CCNK: variants seen among roughly 807,000 people sequenced by gnomAD.
CCNK encodes cyclin-K.
Under a neutral mutation model 65.0 loss-of-function variants are expected in CCNK, and 9 were observed. The observed-to-expected ratio is 0.14, with a 90% CI of 0.08 to 0.24. The LOEUF (loss-of-function observed/expected upper bound fraction) is 0.24. Ranked by LOEUF, CCNK falls within the 10% of genes least tolerant of loss-of-function variation. The pLI, the probability that CCNK is intolerant of heterozygous loss-of-function variation, is 1.00. For synonymous variants in CCNK, 279 were observed against 270.8 expected, an observed-to-expected ratio of 1.03 and a Z score of -0.30; for missense variants, 474 against 720.0, an observed-to-expected ratio of 0.66 and a Z score of 3.91.
intron 3 of CCNK, chr14:99,494,908 G>A (rs549862305): frequency 2.0e-5 from 3 of 152,338 alleles, no homozygotes; most frequent in Admixed American, 6.5e-5. Flanking sequence ...CAAGCCCCTT[G>A]GGCCTCTTTT....
At chr14:99,493,675 AT>A in intron 3 of CCNK, 80 bp downstream of exon 3, 1 of 926,916 alleles carries the variant, frequency 1.1e-6, no homozygotes, top group East Asian at 2.4e-5. Flanking sequence ...TATAAGCTCT[AT>A]TTTTCTCATA....
Position 99,510,600 on chromosome 14 carries a change from C to A in CCNK, c.1561C>A (p.Pro521Thr). 1.2e-6 allele frequency: 1 copy of A among 864,104 alleles called. No individual in the cohort carries two copies. Among genetic ancestry groups the A allele is most frequent in the Non-Finnish European group, 1.6e-6 (1 of 606,644 alleles). The allele number at this position is 864,104 out of a possible 1,614,324, so 53.5% of individuals were successfully genotyped here. A position where few individuals can be genotyped will look rare whatever the true frequency, so the allele number is the denominator to read the frequency against. Residue 521 changes from proline to threonine, a missense_variant, in exon 11 of 11, where the codon CCC becomes ACC. Pro to Thr is a conservative substitution (Grantham distance 38, BLOSUM62 -1). This residue lies in a region of CCNK where 38 missense variants were observed against 19.2 expected (regional missense o/e 1.98). Transcript: ENST00000389879. ...CTACAACCCCAACTTCCCACCCCCA[C>A]CCCCACGCCTCCCGCCTACCCACGC... ...PTYNPNFPPP[P>T]PRLPPTHAVP...
intron 4 of CCNK, among the ~76,000 whole-genome samples, chr14:99,499,253 G>A (rs1896767825): frequency 6.6e-6 from 1 of 152,178 alleles, no homozygotes; most frequent in Non-Finnish European, 1.5e-5. Context: ...GGCCAGGCTG[G>A]TCTTGAACTC....
intron 1 of CCNK, among the ~76,000 whole-genome samples, chr14:99,487,321 A>G (rs937800179): frequency 1.3e-5 from 2 of 152,200 alleles, no homozygotes; most frequent in South Asian, 4.1e-4. Context: ...CACTATTGAC[A>G]TGTTGGACCA....
Position 99,510,540 on chromosome 14 carries a change from C to A in CCNK, c.1501C>A (p.Pro501Thr). 2.3e-6 allele frequency: 1 copy of A among 435,598 alleles called. No individual in the cohort carries two copies. The highest frequency in any genetic ancestry group is 3.9e-6 in the Non-Finnish European group (1 of 255,898). 27.0% of individuals were successfully genotyped at this position (435,598 alleles called of 1,614,324 possible). Residue 501 changes from proline to threonine, a missense_variant, in exon 11 of 11, where the codon CCC (proline) becomes ACC (threonine). Around this residue, in one of 6 missense-constraint regions of CCNK, gnomAD observed 38 missense variants for 19.2 expected, o/e 1.98. Transcript: ENST00000389879. The stretch of plus-strand genomic sequence containing the variant: ...CTCCTTCCCCCCACCTGCCATCCCA[C>A]CCCCTACTCCTGGCTACCCCCCACC... ...PASFPPPAIPPPTPGYPPPPP... is the reference protein window; with the variant it reads ...PASFPPPAIPTPTPGYPPPPP...
At chr14:99,498,308 T>C (rs777342460) in intron 4 of CCNK, among the ~76,000 whole-genome samples, 8 of 152,150 alleles carry the variant, frequency 5.3e-5, no homozygotes, top group Non-Finnish European at 8.8e-5. Context: ...GGGGTCACCA[T>C]ACCAATTAGG....
Position 99,492,667 on chromosome 14 carries a change from T to C in CCNK, c.-11T>C. ...GAGAACCTTTTGGAAAGAACAAGCC[T>C]ACTTCAATAAATGAAGGAGAATAAA... On this transcript the variant is annotated 5_prime_UTR_variant, in exon 2 of 11. Coordinates refer to ENST00000389879, the MANE Select transcript of CCNK (RefSeq NM_001099402.2). 4 of 1,595,682 alleles carry C rather than the reference T, an allele frequency of 2.5e-6. No homozygotes were observed. The highest frequency in any genetic ancestry group is 3.4e-6 in the Non-Finnish European group (4 of 1,174,400).
At chr14:99,484,218 A>G (rs796607239) in intron 1 of CCNK, among the ~76,000 whole-genome samples, 4 of 152,234 alleles carry the variant, frequency 2.6e-5, no homozygotes, top group South Asian at 2.1e-4. Context: ...GCTGCTTGCT[A>G]GCTGTGAATT....
intron 4 of CCNK, among the ~76,000 whole-genome samples, chr14:99,496,132 C>T (rs1021755845): frequency 6.6e-6 from 1 of 152,194 alleles, no homozygotes; most frequent in Non-Finnish European, 1.5e-5. Flanking sequence ...TTCCATACAG[C>T]TCACGCCAGT....
At position 99,499,182 on chromosome 14, in the gene CCNK, C is replaced by T. The variant is rs139125660; in HGVS notation, c.412-1584C>T. 2.7e-3 allele frequency among the ~76,000 whole-genome samples: 405 copies of T among 152,214 alleles called. 2 individuals carry two copies. Among genetic ancestry groups the T allele is most frequent in the African/African-American group, 9.4e-3 (389 of 41,532 alleles). On this transcript the variant is annotated intron_variant, in intron 4 of 10. Transcript: ENST00000389879. ...AGCTTCCCAAGTAGGGGACTACAGGCGCCTGCCACCATGATTGGCTAATTT... is the reference window on the plus strand; with the variant it reads ...AGCTTCCCAAGTAGGGGACTACAGGTGCCTGCCACCATGATTGGCTAATTT...
intron 3 of CCNK, chr14:99,494,182 T>C (rs1309533995): frequency 6.6e-6 from 1 of 152,266 alleles, no homozygotes; most frequent in African/African-American, 2.4e-5. Context: ...ACATAGGGCA[T>C]AGCCATGCCG....
intron 4 of CCNK, among the ~76,000 whole-genome samples, chr14:99,499,721 A>G (rs1317051963): frequency 6.6e-6 from 1 of 152,232 alleles, no homozygotes; most frequent in East Asian, 1.9e-4. Flanking sequence ...AGGACATTCC[A>G]TTAACGATAG....
intron 9 of CCNK, chr14:99,504,522 C>T (rs1896924492): frequency 6.7e-6 from 1 of 148,596 alleles, no homozygotes; most frequent in Non-Finnish European, 1.5e-5. Context: ...GCAATCTTAA[C>T]TCACCACAAC....
intron 1 of CCNK, among the ~76,000 whole-genome samples, chr14:99,488,006 T>C (rs1005449569): frequency 6.6e-6 from 1 of 152,200 alleles, no homozygotes; most frequent in Admixed American, 6.5e-5. Context: ...CAATGACAAC[T>C]TATTTACCTG....
intron 2 of CCNK, 70 bp from the exon 3 acceptor site, chr14:99,493,444 G>A (rs1341181047): frequency 3.3e-6 from 3 of 918,038 alleles, no homozygotes; most frequent in Non-Finnish European, 5.0e-6. Flanking sequence ...TTGTCTTTTT[G>A]TTTTTCTACA....
At chr14:99,504,201 AAGTT>A (rs908894780) in intron 9 of CCNK, 1 of 218,372 alleles carries the variant, frequency 4.6e-6, no homozygotes, top group Admixed American at 5.7e-5. Flanking sequence ...ACAAAACAGA[AAGTT>A]AGAAATGTTT....
chr14:99,483,920 T>G (rs778480096), intron 1 of CCNK, among the ~76,000 whole-genome samples: 1 of 152,182 alleles, frequency 6.6e-6, no homozygotes, highest in Non-Finnish European at 1.5e-5. Context: ...ACTCAAACCA[T>G]GTAGTGATAA....
intron 5 of CCNK, 186 bp downstream of exon 5, chr14:99,501,057 G>T: frequency 1.7e-6 from 1 of 605,626 alleles, no homozygotes; most frequent in South Asian, 2.1e-5. Flanking sequence ...GTATAAACAG[G>T]CTCTGTCATC....
At position 99,488,981 on chromosome 14, in the gene CCNK, G is replaced by A. The variant is rs537296042; in HGVS notation, c.-52-3645G>A. Among the ~76,000 whole-genome samples, 367 of 149,232 alleles carry A rather than the reference G, an allele frequency of 2.5e-3. 1 individual carries two copies. The highest frequency in any genetic ancestry group is 8.8e-3 in the African/African-American group (354 of 40,366). On this transcript the variant is annotated intron_variant, in intron 1 of 10. Transcript: ENST00000389879. ...TATGTCTTTTGATAAGCTTTGATTA[G>A]TCTGAGTACATCCCAGGCAGGCTCC...
Sources: gnomAD v4.1 joint callset for allele counts (sites outside exome capture counted in the v4.1 genomes callset) on GRCh38, gnomAD v4.1.1 for gene constraint, gnomAD v4.1.1 regional missense constraint, MANE v1.5 for transcripts, NCBI Gene and HGNC (gene_info 2026-07-23, HGNC 2026-07-21) for gene names.